CACNB2: variants seen among roughly 807,000 people sequenced by gnomAD.
The protein encoded by CACNB2 is calcium voltage-gated channel auxiliary subunit beta 2.
In CACNB2, 42 loss-of-function variants were observed where a neutral mutation model predicts 73.3. That is an observed-to-expected ratio of 0.57 (90% confidence interval 0.45 to 0.74). CACNB2 has a LOEUF of 0.74. Ranked by LOEUF, CACNB2 falls within the 30% of genes least tolerant of loss-of-function variation. The pLI is 0.00. For missense variants in CACNB2, 940 were observed against 853.0 expected (o/e 1.10, Z -1.27); for synonymous variants, 348 against 310.3 (o/e 1.12, Z -1.28).
chr10:18,296,961 C>T (rs972444732), intron 2 of CACNB2, among the ~76,000 whole-genome samples: 1 of 152,226 alleles, frequency 6.6e-6, no homozygotes, highest in Non-Finnish European at 1.5e-5. Flanking sequence ...GATAATAACA[C>T]TTTTCCTGTA....
chr10:18,240,179 A>G (rs1056005887), intron 2 of CACNB2, among the ~76,000 whole-genome samples: 2 of 152,218 alleles, frequency 1.3e-5, no homozygotes, highest in African/African-American at 4.8e-5. Context: ...GACATTAGAG[A>G]AATGCCTAAA....
intron 2 of CACNB2, among the ~76,000 whole-genome samples, chr10:18,374,410 G>A (rs1335968725): frequency 6.6e-6 from 1 of 152,178 alleles, no homozygotes; most frequent in African/African-American, 2.4e-5. Flanking sequence ...TGACCTGAGA[G>A]CTGAACCAGA....
At chr10:18,341,915 T>A (rs1469400092) in intron 2 of CACNB2, among the ~76,000 whole-genome samples, 1 of 152,222 alleles carries the variant, frequency 6.6e-6, no homozygotes, top group Middle Eastern at 3.2e-3. Context: ...TTTCTAAAGA[T>A]ACAGAATTTT....
intron 2 of CACNB2, among the ~76,000 whole-genome samples, chr10:18,255,660 T>C (rs2037254613): frequency 6.6e-6 from 1 of 152,156 alleles, no homozygotes. Context: ...GGTCCTTTTT[T>C]TGTTTTTACT....
At chr10:18,184,307 A>G (rs2034039002) in intron 2 of CACNB2, among the ~76,000 whole-genome samples, 1 of 152,216 alleles carries the variant, frequency 6.6e-6, no homozygotes, top group Admixed American at 6.5e-5. Flanking sequence ...TAAGCACCTA[A>G]GTTTAAAACA....
intron 3 of CACNB2, among the ~76,000 whole-genome samples, chr10:18,490,261 G>C (rs141823582): frequency 9.2e-5 from 14 of 152,066 alleles, no homozygotes; most frequent in South Asian, 2.1e-4. Context: ...GGATCTGTTC[G>C]GCTTTAGTCC....
chr10:18,229,159 T>A (rs2036130903), intron 2 of CACNB2, among the ~76,000 whole-genome samples: 1 of 152,236 alleles, frequency 6.6e-6, no homozygotes, highest in South Asian at 2.1e-4. Flanking sequence ...GATAGTGTAA[T>A]TAGTGTGAGA....
chr10:18,143,226 G>A (rs2130991043), intron 1 of CACNB2, among the ~76,000 whole-genome samples: 1 of 152,288 alleles, frequency 6.6e-6, no homozygotes, highest in Non-Finnish European at 1.5e-5. Flanking sequence ...CAGCTCATTT[G>A]GGAATATTCA....
Position 18,150,880 on chromosome 10 carries a change from T to TTTTTTTTTTTTTTTC in CACNB2, c.121-3_121-2insTTTTTTTTTTTTTTC. ...CTTTTTTTTTTTTTTTTTTTTTTTTTAGTCATATGGAAAAGGAGCCAGAAG... is the reference window on the plus strand; with the variant it reads ...CTTTTTTTTTTTTTTTTTTTTTTTTTTTTTTTTTTTTTTTCAGTCATATGGAAAAGGAGCCAGAAG... On this transcript the variant is annotated splice_polypyrimidine_tract_variant and splice_region_variant and intron_variant, in intron 1 of 13. Coordinates refer to ENST00000324631, the MANE Select transcript of CACNB2 (RefSeq NM_201596.3). 2 of 1,300,364 alleles carry TTTTTTTTTTTTTTTC rather than the reference T, an allele frequency of 1.5e-6. No homozygotes were observed. Among genetic ancestry groups the TTTTTTTTTTTTTTTC allele is most frequent in the Non-Finnish European group, 2.1e-6 (2 of 943,298 alleles). The allele number at this position is 1,300,364 out of a possible 1,614,324, so 80.6% of individuals were successfully genotyped here. A position where few individuals can be genotyped will look rare whatever the true frequency, so the allele number is the denominator to read the frequency against.
intron 3 of CACNB2, among the ~76,000 whole-genome samples, chr10:18,495,270 G>A (rs1388021776): frequency 2.0e-5 from 3 of 150,540 alleles, no homozygotes; most frequent in Non-Finnish European, 4.4e-5. Flanking sequence ...AGGCTGGAGT[G>A]CAGTGGTGCA....
intron 2 of CACNB2, among the ~76,000 whole-genome samples, chr10:18,180,905 G>A (rs1333137614): frequency 6.6e-6 from 1 of 151,864 alleles, no homozygotes; most frequent in Admixed American, 6.6e-5. Flanking sequence ...GATGGAGGTT[G>A]CAGTGAGCCG....
At chr10:18,370,188 T>C (rs988414081) in intron 2 of CACNB2, among the ~76,000 whole-genome samples, 4 of 152,242 alleles carry the variant, frequency 2.6e-5, no homozygotes, top group African/African-American at 9.6e-5. Flanking sequence ...ATAGCCACAC[T>C]TGTGGCTTCT....
intron 2 of CACNB2, among the ~76,000 whole-genome samples, chr10:18,385,364 ACC>A (rs754737184): frequency 6.0e-5 from 5 of 83,168 alleles, no homozygotes; most frequent in South Asian, 4.9e-4. Context: ...GATTTGTAAT[ACC>A]CCCCCCCCTC....
At chr10:18,486,954 GCT>G (rs1038867176) in intron 3 of CACNB2, among the ~76,000 whole-genome samples, 6 of 151,672 alleles carry the variant, frequency 4.0e-5, no homozygotes, top group African/African-American at 9.7e-5. Flanking sequence ...AAAGAGAATA[GCT>G]CTCTCTCTCT....
At chr10:18,380,041 A>G (rs1192858618) in intron 2 of CACNB2, among the ~76,000 whole-genome samples, 2 of 152,192 alleles carry the variant, frequency 1.3e-5, no homozygotes, top group East Asian at 3.8e-4. Context: ...TTTCATATAC[A>G]TGGAATTATA....
At chr10:18,419,338 C>T (rs1414274762) in intron 3 of CACNB2, among the ~76,000 whole-genome samples, 3 of 98,196 alleles carry the variant, frequency 3.1e-5, no homozygotes, top group Non-Finnish European at 6.1e-5. Context: ...GGATCCCTGA[C>T]ACTGTGGTGT....
At chr10:18,169,668 T>C (rs1441777658) in intron 2 of CACNB2, among the ~76,000 whole-genome samples, 1 of 152,174 alleles carries the variant, frequency 6.6e-6, no homozygotes, top group Non-Finnish European at 1.5e-5. Flanking sequence ...AACACTTTAT[T>C]GGGAACTCAT....
intron 2 of CACNB2, among the ~76,000 whole-genome samples, chr10:18,351,392 G>A (rs1202478865): frequency 6.6e-6 from 1 of 152,114 alleles, no homozygotes; most frequent in Non-Finnish European, 1.5e-5. Context: ...TTCTGATTCT[G>A]CAATATACTA....
At chr10:18,192,286 T>C (rs1297325596) in intron 2 of CACNB2, among the ~76,000 whole-genome samples, 1 of 152,072 alleles carries the variant, frequency 6.6e-6, no homozygotes, top group East Asian at 1.9e-4. Flanking sequence ...ATTCATTCAT[T>C]CATGTATTAT....
Sources: allele counts gnomAD v4.1 joint callset (sites outside exome capture counted in the v4.1 genomes callset), GRCh38; gene constraint gnomAD v4.1.1; transcripts MANE v1.5; gene names NCBI Gene and HGNC (gene_info 2026-07-23, HGNC 2026-07-21).